EML5: variants seen among roughly 807,000 people sequenced by gnomAD.
EML5 encodes the protein EMAP like 5.
A neutral mutation model predicts 250.0 loss-of-function variants in EML5; 120 were observed. That is an observed-to-expected ratio of 0.48 (90% CI 0.41 to 0.56). EML5 has a LOEUF of 0.56. EML5 is among the 20% of genes least tolerant of loss of function. The pLI is 0.00. For missense variants in EML5, 2,006 were observed against 2,437.6 expected (o/e 0.82, Z 3.73); for synonymous variants, 771 against 806.5 (o/e 0.96, Z 0.75).
intron 7 of EML5, among the ~76,000 whole-genome samples, chr14:88,729,619 G>C (rs764193008): frequency 1.3e-4 from 20 of 151,696 alleles, no homozygotes; most frequent in Non-Finnish European, 2.8e-4. Context: ...TGTAGTGCTG[G>C]CGCAATCTTA....
At chr14:88,656,089 C>T (rs1031434350) in intron 27 of EML5, among the ~76,000 whole-genome samples, 1 of 152,116 alleles carries the variant, frequency 6.6e-6, no homozygotes, top group African/African-American at 2.4e-5. Context: ...ACTAGAAATA[C>T]CATTTGACTC....
intron 1 of EML5, among the ~76,000 whole-genome samples, chr14:88,764,185 T>G (rs1254724028): frequency 6.6e-6 from 1 of 152,218 alleles, no homozygotes; most frequent in Non-Finnish European, 1.5e-5. Flanking sequence ...TCTATATTAA[T>G]GAGGGACAGT....
intron 15 of EML5, among the ~76,000 whole-genome samples, chr14:88,696,228 A>G (rs1566651098): frequency 6.6e-6 from 1 of 151,922 alleles, no homozygotes; most frequent in Non-Finnish European, 1.5e-5. Context: ...CACTTCAGTC[A>G]GAGCAGCAAA....
chr14:88,638,695 T>C (rs994851518), intron 32 of EML5, 114 bp downstream of exon 32: 5 of 910,260 alleles, frequency 5.5e-6, no homozygotes, highest in African/African-American at 3.4e-5. Context: ...TATGTATACA[T>C]AGATTTTGAA....
intron 17 of EML5, among the ~76,000 whole-genome samples, chr14:88,691,391 C>T (rs757505996): frequency 1.3e-5 from 2 of 152,160 alleles, no homozygotes; most frequent in Admixed American, 6.5e-5. Context: ...CCTAGAAAGC[C>T]TAAAATATTT....
intron 27 of EML5, among the ~76,000 whole-genome samples, chr14:88,656,382 C>T (rs1191849856): frequency 6.6e-6 from 1 of 152,160 alleles, no homozygotes; most frequent in Non-Finnish European, 1.5e-5. Context: ...AAACCAAACA[C>T]CACATGTTCT....
At chr14:88,721,146 C>T (rs2093583275) in intron 8 of EML5, among the ~76,000 whole-genome samples, 1 of 152,136 alleles carries the variant, frequency 6.6e-6, no homozygotes, top group Non-Finnish European at 1.5e-5. Flanking sequence ...ATATTCCATG[C>T]TCCTGGATAG....
At chr14:88,665,599 G>GGTGGTTCACCT in intron 21 of EML5, 110 bp from the exon 22 acceptor site, 2 of 1,437,118 alleles carry the variant, frequency 1.4e-6, no homozygotes, top group Non-Finnish European at 1.9e-6. Context: ...AGCTGAGGCA[G>GGTGGTTCACCT]GAGGACTGCC....
At chr14:88,715,498 T>C (rs1193814907) in intron 8 of EML5, among the ~76,000 whole-genome samples, 1 of 152,122 alleles carries the variant, frequency 6.6e-6, no homozygotes, top group African/African-American at 2.4e-5. Flanking sequence ...AAGTAATAGA[T>C]TTTTATGGTA....
At chr14:88,732,629 T>C (rs1008665417) in intron 7 of EML5, among the ~76,000 whole-genome samples, 4 of 152,220 alleles carry the variant, frequency 2.6e-5, no homozygotes, top group Admixed American at 6.5e-5. Context: ...GGGATGGCAT[T>C]GAATCTATAA....
intron 9 of EML5, among the ~76,000 whole-genome samples, chr14:88,713,357 A>C (rs1566681816): frequency 2.0e-5 from 3 of 150,914 alleles, no homozygotes; most frequent in Non-Finnish European, 4.4e-5. Context: ...ATGCCACTAC[A>C]CTCCAACCTG....
At chr14:88,756,204 A>T (rs1411824038) in intron 1 of EML5, among the ~76,000 whole-genome samples, 1 of 152,174 alleles carries the variant, frequency 6.6e-6, no homozygotes, top group Non-Finnish European at 1.5e-5. Context: ...CTGGTTCAAC[A>T]TATGAAATCA....
chr14:88,625,206 T>C, intron 35 of EML5, 79 bp from the exon 36 acceptor site: 1 of 1,489,820 alleles, frequency 6.7e-7, no homozygotes. Context: ...TCTATGTATG[T>C]GTAATGCTGT....
At chr14:88,676,841 T>C (rs2092605271) in intron 21 of EML5, among the ~76,000 whole-genome samples, 2 of 152,144 alleles carry the variant, frequency 1.3e-5, no homozygotes, top group African/African-American at 4.8e-5. Context: ...CATATCTATG[T>C]CCATTTGATC....
chr14:88,670,068 C>A (rs1178395804), intron 21 of EML5, among the ~76,000 whole-genome samples: 2 of 151,918 alleles, frequency 1.3e-5, no homozygotes, highest in Non-Finnish European at 2.9e-5. Context: ...GTAATCCCAG[C>A]ACTTTTGGGA....
intron 27 of EML5, among the ~76,000 whole-genome samples, chr14:88,650,251 G>A (rs1469663543): frequency 6.6e-6 from 1 of 152,020 alleles, no homozygotes; most frequent in Non-Finnish European, 1.5e-5. Flanking sequence ...TCAGGAGTTC[G>A]AGACCAGCCT....
intron 33 of EML5, among the ~76,000 whole-genome samples, chr14:88,629,575 T>G (rs1376770536): frequency 1.3e-5 from 2 of 152,204 alleles, no homozygotes; most frequent in East Asian, 3.8e-4. Flanking sequence ...TTGGAAATGG[T>G]CATTCCTGAT....
At chr14:88,692,537 G>A (rs928571970) in intron 17 of EML5, among the ~76,000 whole-genome samples, 2 of 152,178 alleles carry the variant, frequency 1.3e-5, no homozygotes, top group Non-Finnish European at 2.9e-5. Flanking sequence ...ACAGGAGGAT[G>A]TGCATAAATT....
Position 88,618,798 on chromosome 14 carries a change from G to C in EML5, c.5390C>G (p.Ser1797Cys), listed in dbSNP as rs2088243329. ...AIHDIRFSPD[S>C]RYLAVGSSEN... ...ACTAGAACCTACTGCCAGATACCGG[G>C]AATCCGGACTAAATCTGAATCAAAA... Residue 1797 changes from serine (S) to cysteine (C), a missense_variant, in exon 40 of 44, where the codon TCC becomes TGC. Physicochemically the swap from Ser to Cys is moderately radical, Grantham distance 112 (BLOSUM62 -1). Coordinates refer to ENST00000554922, the MANE Select transcript of EML5 (RefSeq NM_183387.3). 2 of 1,588,238 alleles carry C rather than the reference G, an allele frequency of 1.3e-6. No individual in the cohort carries two copies. Among genetic ancestry groups the C allele is most frequent in the Admixed American group, 3.5e-5 (2 of 56,362 alleles).
Sources: allele counts gnomAD v4.1 joint callset (sites outside exome capture counted in the v4.1 genomes callset), GRCh38; gene constraint gnomAD v4.1.1; transcripts MANE v1.5; gene names NCBI Gene and HGNC (gene_info 2026-07-23, HGNC 2026-07-21).